The following PCBP3 variants were observed in gnomAD, a reference collection of about 807,000 sequenced individuals.
PCBP3 encodes the protein poly(rC)-binding protein 3.
In PCBP3, 25 loss-of-function variants were observed where a neutral mutation model predicts 52.7. That is an observed-to-expected ratio of 0.47 (90% CI 0.35 to 0.66). The LOEUF is 0.66. PCBP3 is among the 30% of genes least tolerant of loss of function. The probability of loss-of-function intolerance (pLI) is 0.01; values close to 1 mark genes in which losing one functional copy is unlikely to be tolerated. For missense variants in PCBP3, 391 were observed against 490.3 expected (o/e 0.80, Z 1.91); for synonymous variants, 162 against 183.0 (o/e 0.89, Z 0.93).
At chr21:45,764,640 G>T (rs2089114486) in intron 4 of PCBP3, among the ~76,000 whole-genome samples, 1 of 152,196 alleles carries the variant, frequency 6.6e-6, no homozygotes, top group Non-Finnish European at 1.5e-5. Context: ...TTTTCTGGAC[G>T]GTGGGCAGGC....
At chr21:45,846,213 T>A (rs1394485142) in intron 4 of PCBP3, among the ~76,000 whole-genome samples, 1 of 152,220 alleles carries the variant, frequency 6.6e-6, no homozygotes, top group African/African-American at 2.4e-5. Flanking sequence ...TAGGGAGATA[T>A]CTAGAACTAT....
At chr21:45,796,567 A>G (rs1041213333) in intron 4 of PCBP3, among the ~76,000 whole-genome samples, 1 of 152,066 alleles carries the variant, frequency 6.6e-6, no homozygotes, top group Non-Finnish European at 1.5e-5. Context: ...TGTGTCTTCT[A>G]ATTTCATCTT....
chr21:45,857,455 C>T (rs554353109), intron 5 of PCBP3, among the ~76,000 whole-genome samples: 1 of 152,298 alleles, frequency 6.6e-6, no homozygotes, highest in Admixed American at 6.5e-5. Context: ...AATGCTGAGC[C>T]TCCTGTATGG....
chr21:45,884,387 G>A, intron 5 of PCBP3, among the ~76,000 whole-genome samples: 1 of 151,976 alleles, frequency 6.6e-6, no homozygotes, highest in East Asian at 1.9e-4. Context: ...AGTGCTTGCT[G>A]TAGGTAGTAT....
At chr21:45,815,996 G>GGTGAGTGGTGA (rs1275748333) in intron 4 of PCBP3, among the ~76,000 whole-genome samples, 4 of 129,200 alleles carry the variant, frequency 3.1e-5, no homozygotes, top group South Asian at 5.8e-4. Context: ...GTGAGTGAGT[G>GGTGAGTGGTGA]GTGAGTGGTG....
At chr21:45,902,845 C>T (rs1174107954) in intron 9 of PCBP3, among the ~76,000 whole-genome samples, 1 of 152,266 alleles carries the variant, frequency 6.6e-6, no homozygotes, top group Non-Finnish European at 1.5e-5. Context: ...CTTGTGCCAA[C>T]ACGTCTTCCA....
At chr21:45,684,769 C>T (rs1426987154) in intron 2 of PCBP3, among the ~76,000 whole-genome samples, 1 of 152,164 alleles carries the variant, frequency 6.6e-6, no homozygotes, top group Non-Finnish European at 1.5e-5. Context: ...CATAAATTGC[C>T]CAGTCTCAGA....
chr21:45,885,830 C>T (rs755040708), intron 5 of PCBP3, among the ~76,000 whole-genome samples: 1 of 152,240 alleles, frequency 6.6e-6, no homozygotes, highest in Non-Finnish European at 1.5e-5. Flanking sequence ...GCTGCTTTCA[C>T]TTCTTTGTCA....
In PCBP3 at chr21:45,904,956, C is replaced by T. The variant is rs989144196; in HGVS notation, c.339+3843C>T. Reference sequence around the variant, plus strand: ...ACCAGTGTTGACTGGAGATATTCATCAATTTGTCTACAGCATGATGAGTAG... The same window carrying T: ...ACCAGTGTTGACTGGAGATATTCATTAATTTGTCTACAGCATGATGAGTAG... On this transcript the variant is annotated intron_variant, in intron 9 of 17. Transcript: ENST00000681687. The surrounding 1 kb of genome is among the most constrained non-coding windows in gnomAD (Gnocchi z 4.8). Among the ~76,000 whole-genome samples, 1 of 152,190 alleles carries T rather than the reference C, an allele frequency of 6.6e-6. No homozygotes were observed. The highest frequency in any genetic ancestry group is 6.5e-5 in the Admixed American group (1 of 15,280).
chr21:45,703,661 A>T (rs2083270479), intron 2 of PCBP3, among the ~76,000 whole-genome samples: 1 of 152,128 alleles, frequency 6.6e-6, no homozygotes, highest in Non-Finnish European at 1.5e-5. Flanking sequence ...TAAAAGGAGG[A>T]TTGTGCCTGC....
At chr21:45,865,402 A>G (rs1052685328) in intron 5 of PCBP3, among the ~76,000 whole-genome samples, 1 of 152,214 alleles carries the variant, frequency 6.6e-6, no homozygotes, top group African/African-American at 2.4e-5. Flanking sequence ...GGCCGGTGCT[A>G]CTGGATGGAT....
chr21:45,814,820 AGTG>A (rs2147149128), intron 4 of PCBP3, among the ~76,000 whole-genome samples: 5 of 108,140 alleles, frequency 4.6e-5, no homozygotes, highest in Non-Finnish European at 7.4e-5. Flanking sequence ...GTGAGTGGTG[AGTG>A]GTGAGTGAGT....
chr21:45,900,356 G>A (rs1307695276), intron 7 of PCBP3, among the ~76,000 whole-genome samples: 1 of 152,218 alleles, frequency 6.6e-6, no homozygotes, highest in African/African-American at 2.4e-5. Flanking sequence ...CTGTGTGCCT[G>A]TAGGTGGGTG....
chr21:45,691,398 ATC>A (rs71334089), intron 2 of PCBP3, among the ~76,000 whole-genome samples: 11,665 of 145,426 alleles, frequency 0.08, 578 homozygotes, highest in African/African-American at 0.11. Context: ...ATATATATAT[ATC>A]TCATATATAT....
At chr21:45,850,913 T>TA (rs1005302717) in intron 5 of PCBP3, among the ~76,000 whole-genome samples, 1 of 152,158 alleles carries the variant, frequency 6.6e-6, no homozygotes, top group African/African-American at 2.4e-5. Flanking sequence ...TAATATGCTA[T>TA]AAAAAACTCT....
chr21:45,934,513 A>G (rs2076670323), intron 15 of PCBP3, among the ~76,000 whole-genome samples: 1 of 152,216 alleles, frequency 6.6e-6, no homozygotes, highest in Admixed American at 6.5e-5. Flanking sequence ...TCACTCTTCA[A>G]CAAAGAAAGG....
chr21:45,910,481 C>A (rs933040843), intron 10 of PCBP3, among the ~76,000 whole-genome samples: 3 of 152,136 alleles, frequency 2.0e-5, no homozygotes, highest in Admixed American at 6.5e-5. Flanking sequence ...TGTCCCATTT[C>A]AAGGAAAGCC....
At chr21:45,866,774 C>T (rs3788215) in intron 5 of PCBP3, among the ~76,000 whole-genome samples, 21,383 of 152,116 alleles carry the variant, frequency 0.14, 1,682 homozygotes, top group Middle Eastern at 0.28. Flanking sequence ...CTCCAGCACC[C>T]CCTCCCCTCT....
chr21:45,888,758 G>T (rs1212462078), intron 5 of PCBP3, among the ~76,000 whole-genome samples: 1 of 152,114 alleles, frequency 6.6e-6, no homozygotes, highest in Non-Finnish European at 1.5e-5. Flanking sequence ...TACATGGAAT[G>T]ATTATAAAGT....
Sources: allele counts gnomAD v4.1 joint callset (sites outside exome capture counted in the v4.1 genomes callset), GRCh38; gene constraint gnomAD v4.1.1; non-coding constraint Gnocchi (gnomAD v3.1); transcripts MANE v1.5; gene names NCBI Gene and HGNC (gene_info 2026-07-23, HGNC 2026-07-21).